Variants in HSD17B14 observed in about 807,000 individuals in gnomAD.
HSD17B14 encodes the protein hydroxysteroid 17-beta dehydrogenase 14.
HSD17B14 carries 32 observed loss-of-function variants against 32.2 expected under a neutral mutation model. That is an observed-to-expected ratio of 0.99 (90% CI 0.75 to 1.33). HSD17B14 has a LOEUF of 1.33. Among genes scored for constraint, HSD17B14 ranks in the 40% most tolerant of loss-of-function variants. The pLI is 0.00. For synonymous variants in HSD17B14, 140 were observed against 155.4 expected, an observed-to-expected ratio of 0.90 and a Z score of 0.74; for missense variants, 370 against 366.5, an observed-to-expected ratio of 1.01 and a Z score of -0.08.
chr19:48,820,759 C>G (rs2035132789), intron 5 of HSD17B14, among the ~76,000 whole-genome samples: 1 of 151,332 alleles, frequency 6.6e-6, no homozygotes, highest in Non-Finnish European at 1.5e-5. Context: ...TCCCAGCTCT[C>G]AGGGAGGCAG....
intron 5 of HSD17B14, among the ~76,000 whole-genome samples, chr19:48,828,698 G>C (rs1468897960): frequency 2.6e-5 from 4 of 151,990 alleles, no homozygotes; most frequent in African/African-American, 9.7e-5. Flanking sequence ...GAAAGGCTGA[G>C]GCAGGAGAAT....
intron 5 of HSD17B14, among the ~76,000 whole-genome samples, chr19:48,826,542 T>TATATATATATATATATATATACACACAC: frequency 1.2e-5 from 1 of 80,114 alleles, no homozygotes; most frequent in African/African-American, 5.2e-5. Context: ...TATATATATA[T>TATATATATATATATATATATACACACAC]ACACACACAC....
intron 5 of HSD17B14, among the ~76,000 whole-genome samples, chr19:48,827,232 G>A (rs1440899475): frequency 6.6e-6 from 1 of 151,666 alleles, no homozygotes; most frequent in Non-Finnish European, 1.5e-5. Flanking sequence ...TAGTAGAGAC[G>A]GAGTTTCACC....
chr19:48,828,523 C>G (rs987473446), intron 5 of HSD17B14, among the ~76,000 whole-genome samples: 16 of 152,020 alleles, frequency 1.1e-4, no homozygotes, highest in Non-Finnish European at 1.2e-4. Flanking sequence ...GAGGCTGATA[C>G]AAGAGGATCA....
At chr19:48,819,630 A>G (rs1340122989) in intron 5 of HSD17B14, among the ~76,000 whole-genome samples, 1 of 152,100 alleles carries the variant, frequency 6.6e-6, no homozygotes, top group Non-Finnish European at 1.5e-5. Flanking sequence ...CCACTGGTCA[A>G]TGCTGCTCAG....
At chr19:48,834,485 G>A (rs142630106) in intron 2 of HSD17B14, 127 bp from the exon 3 acceptor site, 1 of 487,592 alleles carries the variant, frequency 2.1e-6, no homozygotes, top group Non-Finnish European at 3.4e-6. Flanking sequence ...AGGGAGGAGG[G>A]GCTGAGGTCT....
intron 5 of HSD17B14, among the ~76,000 whole-genome samples, chr19:48,817,218 C>T (rs1330404600): frequency 1.3e-5 from 2 of 148,234 alleles, no homozygotes; most frequent in African/African-American, 2.5e-5. Flanking sequence ...CACTCTGTTG[C>T]CCAGGCTGGA....
chr19:48,822,127 A>T (rs2035163912), intron 5 of HSD17B14, among the ~76,000 whole-genome samples: 1 of 148,514 alleles, frequency 6.7e-6, no homozygotes, highest in Non-Finnish European at 1.5e-5. Flanking sequence ...GGTGATGCTG[A>T]TGTTGATGGT....
intron 5 of HSD17B14, among the ~76,000 whole-genome samples, chr19:48,825,860 A>G (rs941772733): frequency 9.9e-5 from 15 of 151,538 alleles, no homozygotes; most frequent in South Asian, 4.2e-4. Context: ...TTGCTCTGTC[A>G]CCCAGGCTGG....
At chr19:48,821,544 T>C (rs945566223) in intron 5 of HSD17B14, among the ~76,000 whole-genome samples, 1 of 152,172 alleles carries the variant, frequency 6.6e-6, no homozygotes, top group Admixed American at 6.5e-5. Context: ...TCAAGGGATC[T>C]GGGCAGGGGC....
chr19:48,833,672 C>CA (rs2035388406), intron 3 of HSD17B14, among the ~76,000 whole-genome samples: 1 of 151,972 alleles, frequency 6.6e-6, no homozygotes, highest in African/African-American at 2.4e-5. Flanking sequence ...ACTAAAAATA[C>CA]AAAATTAGCC....
At position 48,814,223 on chromosome 19, in the gene HSD17B14, G is replaced by C. The variant is rs1036006077; in HGVS notation, c.475-493C>G. Among the ~76,000 whole-genome samples the C allele has an allele frequency of 2.1e-5, 3 of 145,436 alleles. No homozygotes were observed. In the East Asian group the frequency reaches 6.2e-4, roughly 30 times the overall value. On this transcript the variant is annotated intron_variant, in intron 6 of 8. Coordinates refer to ENST00000263278, the MANE Select transcript of HSD17B14 (RefSeq NM_016246.3). ...AAAAAAAGAAGAAAAGAAAAGAAAA[G>C]AAAAAAAGAAAGTTAGCCGGGCACA... is the stretch of plus-strand genomic sequence containing the variant.
At chr19:48,830,681 T>G (rs2035322295) in intron 5 of HSD17B14, among the ~76,000 whole-genome samples, 1 of 151,820 alleles carries the variant, frequency 6.6e-6, no homozygotes, top group African/African-American at 2.4e-5. Flanking sequence ...ACCACCATGC[T>G]CAGGTAATTT....
intron 5 of HSD17B14, among the ~76,000 whole-genome samples, chr19:48,820,664 T>C (rs1489422577): frequency 2.0e-5 from 3 of 150,394 alleles, no homozygotes; most frequent in Non-Finnish European, 4.4e-5. Context: ...CCCGAGTAGC[T>C]GGGATTACCA....
At chr19:48,816,793 T>TTCTTTCTTTCTTTCTTTCTTTCTTTCTC (rs2035060134) in intron 5 of HSD17B14, among the ~76,000 whole-genome samples, 1 of 107,106 alleles carries the variant, frequency 9.3e-6, no homozygotes, top group African/African-American at 4.2e-5. Flanking sequence ...CTTTCTTTCT[T>TTCTTTCTTTCTTTCTTTCTTTCTTTCTC]TCTTTCTTTC....
chr19:48,815,420 C>G (rs1378189097), intron 5 of HSD17B14, among the ~76,000 whole-genome samples: 1 of 152,084 alleles, frequency 6.6e-6, no homozygotes, highest in Non-Finnish European at 1.5e-5. Flanking sequence ...TACCTCTGTC[C>G]CTTCTCCCTT....
chr19:48,828,519 G>T, intron 5 of HSD17B14, among the ~76,000 whole-genome samples: 1 of 152,122 alleles, frequency 6.6e-6, no homozygotes, highest in Non-Finnish European at 1.5e-5. Context: ...TCAGGAGGCT[G>T]ATACAAGAGG....
chr19:48,821,012 G>A (rs993214979), intron 5 of HSD17B14, among the ~76,000 whole-genome samples: 1 of 110,464 alleles, frequency 9.1e-6, no homozygotes, highest in Non-Finnish European at 1.8e-5. Context: ...AGGATGGATA[G>A]ATTTTTTTTT....
At chr19:48,835,349 C>T (rs2035467901) in intron 2 of HSD17B14, among the ~76,000 whole-genome samples, 2 of 116,770 alleles carry the variant, frequency 1.7e-5, no homozygotes, top group Middle Eastern at 5.1e-3. Context: ...AGCCTGGACT[C>T]CTGGGTCTGA....
Sources: gnomAD v4.1 joint callset for allele counts (sites outside exome capture counted in the v4.1 genomes callset) on GRCh38, gnomAD v4.1.1 for gene constraint, MANE v1.5 for transcripts, NCBI Gene and HGNC (gene_info 2026-07-23, HGNC 2026-07-21) for gene names.